VGLL4: variants seen among roughly 807,000 people sequenced by gnomAD.
VGLL4 encodes the protein transcription cofactor vestigial-like protein 4.
VGLL4 carries 7 observed loss-of-function variants against 21.0 expected under a neutral mutation model. That is an observed-to-expected ratio of 0.33 (90% CI 0.19 to 0.63). The LOEUF (loss-of-function observed/expected upper bound fraction) is 0.63. Ranked by LOEUF, VGLL4 falls within the 20% of genes least tolerant of loss-of-function variation. VGLL4 has a pLI of 0.78. For synonymous variants in VGLL4, 222 were observed against 173.2 expected (o/e 1.28, Z -2.21); for missense variants, 394 against 425.7 (o/e 0.93, Z 0.66).
intron 2 of VGLL4, chr3:11,702,689 C>T (rs78581241): frequency 0.053 from 8,700 of 165,122 alleles, 287 homozygotes; most frequent in Middle Eastern, 0.082. Context: ...CTTGAGTCCA[C>T]GAGTTTGAAA....
chr3:11,681,674 A>G (rs1381441965), intron 2 of VGLL4, among the ~76,000 whole-genome samples: 1 of 152,262 alleles, frequency 6.6e-6, no homozygotes, highest in Admixed American at 6.5e-5. Flanking sequence ...ATGCAGTTGT[A>G]AAATATAATT....
chr3:11,599,481 C>T (rs2074729893), intron 2 of VGLL4, among the ~76,000 whole-genome samples: 1 of 139,156 alleles, frequency 7.2e-6, no homozygotes, highest in South Asian at 2.4e-4. Flanking sequence ...ACCCGTACCT[C>T]AAAGTCTTAT....
At chr3:11,706,603 C>T (rs550111244) in intron 1 of VGLL4, among the ~76,000 whole-genome samples, 1 of 152,290 alleles carries the variant, frequency 6.6e-6, no homozygotes, top group South Asian at 2.1e-4. Flanking sequence ...TTTGTGGATG[C>T]GTGTGTGTTT....
At chr3:11,572,740 T>C (rs2073825905) in intron 2 of VGLL4, among the ~76,000 whole-genome samples, 1 of 152,186 alleles carries the variant, frequency 6.6e-6, no homozygotes, top group Non-Finnish European at 1.5e-5. Flanking sequence ...CTACCCATGT[T>C]CCAACACAGA....
intron 1 of VGLL4, among the ~76,000 whole-genome samples, chr3:11,715,443 C>T (rs1014409104): frequency 2.6e-5 from 4 of 152,092 alleles, no homozygotes; most frequent in Admixed American, 2.0e-4. Context: ...AAGCAATTCT[C>T]CTGATTCAGC....
intron 2 of VGLL4, among the ~76,000 whole-genome samples, chr3:11,584,943 C>T (rs2074327921): frequency 6.6e-6 from 1 of 152,140 alleles, no homozygotes; most frequent in Admixed American, 6.5e-5. Context: ...CCACCACCAC[C>T]ACCACCGGCT....
chr3:11,559,693 A>G (rs2072793002), intron 3 of VGLL4, among the ~76,000 whole-genome samples: 1 of 152,214 alleles, frequency 6.6e-6, no homozygotes, highest in South Asian at 2.1e-4. Flanking sequence ...TGAGGGTACA[A>G]AGGACAAAAG....
chr3:11,559,932 T>C (rs553903744), intron 3 of VGLL4, among the ~76,000 whole-genome samples: 1 of 152,172 alleles, frequency 6.6e-6, no homozygotes, highest in Admixed American at 6.5e-5. Flanking sequence ...CCAGCTCGAG[T>C]TGGCCTCAGT....
In VGLL4 at chr3:11,632,308, G is replaced by A. The variant is rs945700020; in HGVS notation, c.82+11129C>T. 6.0e-5 allele frequency among the ~76,000 whole-genome samples: 6 copies of A among 100,382 alleles called. No homozygotes were observed. In the East Asian group the frequency reaches 1.7e-3, roughly 29 times the overall value. 65.9% of individuals were successfully genotyped at this position (100,382 alleles called of 152,430 possible). A position where few individuals can be genotyped will look rare whatever the true frequency, so the allele number is the denominator to read the frequency against. ...AGCCTGGGTGACAGAGCAACACTCT[G>A]TCTCAAAAATAAAAAAAAAATAAAA... On this transcript the variant is annotated intron_variant, in intron 1 of 4. Transcript: ENST00000430365.
chr3:11,558,475 A>ATTTTTTTT lies in VGLL4; in HGVS notation c.*73_*80dup. 1 of 789,786 alleles carries ATTTTTTTT rather than the reference A, an allele frequency of 1.3e-6. No individual in the cohort carries two copies. The highest frequency in any genetic ancestry group is 4.3e-5 in the East Asian group (1 of 23,346). The allele number at this position is 789,786 out of a possible 1,614,324, so 48.9% of individuals were successfully genotyped here. On this transcript the variant is annotated 3_prime_UTR_variant, in exon 5 of 5. Transcript: ENST00000430365. ...CCCTTCCCCCCACCCCACCCCCATG[A>ATTTTTTTT]TTTTTTTTTTTTTAAGTACTGACTG...
Position 11,571,369 on chromosome 3 carries a change from C to G in VGLL4, c.273-6350G>C, listed in dbSNP as rs564301296. On this transcript the variant is annotated intron_variant, in intron 2 of 4. Coordinates refer to ENST00000430365, the MANE Select transcript of VGLL4 (RefSeq NM_001128219.3). ...CATCACTGCCACAACCATCCACCCA[C>G]GTAATGTTTCCCCCATTAACTCTCC... 1.1e-4 allele frequency among the ~76,000 whole-genome samples: 17 copies of G among 152,312 alleles called. No homozygotes were observed. The East Asian group carries it at 3.3e-3, about 29-fold the overall frequency.
Position 11,663,443 on chromosome 3 carries a change from G to A in VGLL4, c.64+39528C>T, listed in dbSNP as rs564717343. On this transcript the variant is annotated intron_variant, in intron 2 of 5. Transcript: ENST00000273038. ...TTTAACTGTAAGAATCCTAGGCAAG[G>A]CGCGGTGGCTCACGCCTGCGATACC... 1.8e-4 allele frequency among the ~76,000 whole-genome samples: 27 copies of A among 152,360 alleles called. 1 individual carries two copies. The highest frequency in any genetic ancestry group is 6.5e-4 in the African/African-American group (27 of 41,582).
At chr3:11,606,366 C>T (rs953038174) in intron 1 of VGLL4, among the ~76,000 whole-genome samples, 1 of 152,142 alleles carries the variant, frequency 6.6e-6, no homozygotes, top group African/African-American at 2.4e-5. Flanking sequence ...AAATGCGAAT[C>T]AATACCACAA....
chr3:11,632,960 C>T (rs1172742226), intron 1 of VGLL4, among the ~76,000 whole-genome samples: 2 of 152,206 alleles, frequency 1.3e-5, no homozygotes, highest in Non-Finnish European at 2.9e-5. Context: ...ACAAGGGCAG[C>T]TATCTGTAAT....
chr3:11,651,550 T>G (rs2075872952), intron 2 of VGLL4, among the ~76,000 whole-genome samples: 1 of 151,920 alleles, frequency 6.6e-6, no homozygotes. Context: ...CTGCATTATT[T>G]TAGGTTTATT....
intron 1 of VGLL4, among the ~76,000 whole-genome samples, chr3:11,635,969 T>C (rs2075578995): frequency 6.6e-6 from 1 of 152,218 alleles, no homozygotes. Flanking sequence ...AGGTTCTTTC[T>C]GGGGTCAGCC....
upstream of VGLL4, among the ~76,000 whole-genome samples, chr3:11,646,704 T>A (rs4684075): frequency 0.54 from 82,869 of 152,080 alleles, 22,783 homozygotes; most frequent in Admixed American, 0.58. Flanking sequence ...CTTAAGGGAC[T>A]CAGCATCACT....
chr3:11,593,497 G>A (rs749963707), intron 2 of VGLL4, among the ~76,000 whole-genome samples: 5 of 152,126 alleles, frequency 3.3e-5, no homozygotes, highest in Non-Finnish European at 5.9e-5. Context: ...GAATGAATTC[G>A]TGGTTTTGAG....
intron 2 of VGLL4, among the ~76,000 whole-genome samples, chr3:11,659,647 T>C: frequency 8.7e-5 from 2 of 22,886 alleles, no homozygotes; most frequent in South Asian, 6.5e-3. Context: ...AATCCTATTT[T>C]GAAGGGACTT....
Sources: gnomAD v4.1 joint callset for allele counts (sites outside exome capture counted in the v4.1 genomes callset) on GRCh38, gnomAD v4.1.1 for gene constraint, MANE v1.5 for transcripts, NCBI Gene and HGNC (gene_info 2026-07-23, HGNC 2026-07-21) for gene names.